The following GNG7 variants were observed in gnomAD, a reference collection of about 807,000 sequenced individuals.
GNG7 encodes guanine nucleotide-binding protein G(I)/G(S)/G(O) subunit gamma-7.
GNG7 carries 1 observed loss-of-function variant against 4.0 expected under a neutral mutation model. The observed-to-expected ratio is 0.25, with a 90% CI of 0.09 to 1.18. GNG7 has a LOEUF of 1.18. GNG7 is among the 50% of genes most tolerant of loss of function. The probability of loss-of-function intolerance (pLI) is 0.50; values close to 1 mark genes in which losing one functional copy is unlikely to be tolerated. For missense variants in GNG7, 86 were observed against 91.9 expected (o/e 0.94, Z 0.26); for synonymous variants, 34 against 36.9 (o/e 0.92, Z 0.29).
chr19:2,624,528 CAAAAA>C (rs921061279), intron 2 of GNG7, among the ~76,000 whole-genome samples: 2 of 62,470 alleles, frequency 3.2e-5, no homozygotes, highest in African/African-American at 5.1e-5. Context: ...GACTCCGTCT[CAAAAA>C]AAAAAAAAAA....
intron 4 of GNG7, among the ~76,000 whole-genome samples, chr19:2,519,169 G>A (rs1174132847): frequency 6.9e-5 from 1 of 14,574 alleles, no homozygotes; most frequent in Non-Finnish European, 1.8e-4. Flanking sequence ...TTTTTTTTTT[G>A]AGATAGAGTC....
rs985281465 is a variant in GNG7 at position 2,692,504 on chromosome 19, G to A, written c.-135+10142C>T. On this transcript the variant is annotated intron_variant, in intron 1 of 4. Transcript: ENST00000382159. ...CAAAAAATCAGCCGGGTGTGGTGGC[G>A]GGCGTCTGTAGTCCCAGCTACTCGG... Among the ~76,000 whole-genome samples, 10 of 151,762 alleles carry A rather than the reference G, an allele frequency of 6.6e-5. 1 individual carries two copies. The highest frequency in any genetic ancestry group is 4.2e-4 in the South Asian group (2 of 4,810).
chr19:2,603,626 G>T (rs1194012126), intron 2 of GNG7, among the ~76,000 whole-genome samples: 1 of 152,188 alleles, frequency 6.6e-6, no homozygotes, highest in African/African-American at 2.4e-5. Context: ...TTGCGGGGCG[G>T]CGGCTAAATT....
rs1363284296 is a variant in GNG7 at position 2,657,348 on chromosome 19, AAAAAAAAAAAAAAATATATATATAT to A, written c.-134-11093_-134-11069del. Among the ~76,000 whole-genome samples, 43 of 41,102 alleles carry A rather than the reference AAAAAAAAAAAAAAATATATATATAT, an allele frequency of 1.0e-3. 2 individuals carry two copies. Among genetic ancestry groups the A allele is most frequent in the Non-Finnish European group, 1.8e-3 (39 of 21,754 alleles). 27.0% of individuals were successfully genotyped at this position (41,102 alleles called of 152,430 possible). ...GACCCCGTCTCAATTAAAAAAAAAA[AAAAAAAAAAAAAAATATATATATAT>A]ATATATATATATATATATATATATA... On this transcript the variant is annotated intron_variant, in intron 1 of 4. Transcript: ENST00000382159.
intron 2 of GNG7, among the ~76,000 whole-genome samples, chr19:2,591,481 A>T (rs1206956898): frequency 1.3e-4 from 15 of 118,754 alleles, no homozygotes; most frequent in African/African-American, 4.4e-4. Flanking sequence ...TTTTTAAGGG[A>T]GAGATTATAG....
chr19:2,701,001 A>G (rs1397430732), intron 1 of GNG7: 1 of 152,040 alleles, frequency 6.6e-6, no homozygotes, highest in African/African-American at 2.4e-5. Context: ...CTCCCCAGGA[A>G]AAATAAAGTG....
At chr19:2,545,012 ACCT>A (rs2144751187) in intron 3 of GNG7, among the ~76,000 whole-genome samples, 1 of 151,980 alleles carries the variant, frequency 6.6e-6, no homozygotes, top group African/African-American at 2.4e-5. Context: ...CCTGGGATTC[ACCT>A]CCTCTCTCCC....
Position 2,680,967 on chromosome 19 carries a change from T to A in GNG7, c.-135+21679A>T, listed in dbSNP as rs112801791. 6.8e-3 allele frequency among the ~76,000 whole-genome samples: 1,034 copies of A among 152,174 alleles called. 11 individuals carry two copies. The highest frequency in any genetic ancestry group is 0.024 in the African/African-American group (1,002 of 41,492). ...TGTGATTGTTTGTTGTTCTGGTTTT[T>A]TAATTCTAGCCATCTTACTGGGCGT... On this transcript the variant is annotated intron_variant, in intron 1 of 4. Transcript: ENST00000382159.
At chr19:2,689,205 AAAGG>A (rs1278180820) in intron 1 of GNG7, among the ~76,000 whole-genome samples, 2 of 152,014 alleles carry the variant, frequency 1.3e-5, no homozygotes, top group African/African-American at 4.8e-5. Flanking sequence ...ATGCAAAAAA[AAAGG>A]GGGAAAAAAA....
intron 2 of GNG7, among the ~76,000 whole-genome samples, chr19:2,622,587 GA>G (rs1425194633): frequency 6.8e-6 from 1 of 147,436 alleles, no homozygotes; most frequent in Non-Finnish European, 1.5e-5. Context: ...ACGCGGCAGA[GA>G]GGGGGGCTTC....
At chr19:2,632,503 C>G (rs1982189895) in intron 2 of GNG7, 1 of 151,738 alleles carries the variant, frequency 6.6e-6, no homozygotes, top group South Asian at 2.1e-4. Flanking sequence ...CACACACACA[C>G]ACACACACGC....
At chr19:2,570,775 A>G (rs567337575) in intron 2 of GNG7, among the ~76,000 whole-genome samples, 1 of 152,196 alleles carries the variant, frequency 6.6e-6, no homozygotes, top group South Asian at 2.1e-4. Context: ...ACAAAACCCC[A>G]AGCCTAAAAA....
At chr19:2,687,308 T>A (rs914967079) in intron 1 of GNG7, among the ~76,000 whole-genome samples, 48 of 151,442 alleles carry the variant, frequency 3.2e-4, no homozygotes, top group Non-Finnish European at 6.0e-4. Flanking sequence ...AATCCTCTCA[T>A]CTTGGCCTCC....
At chr19:2,656,708 C>T (rs1257032719) in intron 1 of GNG7, among the ~76,000 whole-genome samples, 1 of 152,162 alleles carries the variant, frequency 6.6e-6, no homozygotes, top group Admixed American at 6.6e-5. Flanking sequence ...GGCACACAGC[C>T]GTGCGTGTTC....
intron 1 of GNG7, among the ~76,000 whole-genome samples, chr19:2,684,988 G>A (rs1599461588): frequency 1.3e-5 from 2 of 152,278 alleles, no homozygotes; most frequent in South Asian, 4.1e-4. Context: ...GACAGGCGTG[G>A]CGGCACACGC....
chr19:2,692,618 G>C (rs893057650), intron 1 of GNG7, among the ~76,000 whole-genome samples: 7 of 148,404 alleles, frequency 4.7e-5, no homozygotes, highest in African/African-American at 1.3e-4. Flanking sequence ...CTGGGCGACA[G>C]AGTGAGACTC....
intron 2 of GNG7, among the ~76,000 whole-genome samples, chr19:2,567,335 G>GTGTGTGTGTGTGTGTGTT (rs1212678604): frequency 6.6e-6 from 1 of 150,958 alleles, no homozygotes; most frequent in Non-Finnish European, 1.5e-5. Flanking sequence ...GTCGATTTGT[G>GTGTGTGTGTGTGTGTGTT]TGTGTGTGTG....
At chr19:2,539,101 T>C (rs1359958025) in intron 3 of GNG7, among the ~76,000 whole-genome samples, 1 of 152,166 alleles carries the variant, frequency 6.6e-6, no homozygotes, top group African/African-American at 2.4e-5. Context: ...TAATAAACTG[T>C]TAACTAATTT....
At chr19:2,654,931 G>A (rs530747509) in intron 1 of GNG7, among the ~76,000 whole-genome samples, 1 of 130,286 alleles carries the variant, frequency 7.7e-6, no homozygotes, top group South Asian at 2.5e-4. Flanking sequence ...CCCAGACATT[G>A]TCCAGTGTCC....
Sources: gnomAD v4.1 joint callset for allele counts (sites outside exome capture counted in the v4.1 genomes callset) on GRCh38, gnomAD v4.1.1 for gene constraint, MANE v1.5 for transcripts, NCBI Gene and HGNC (gene_info 2026-07-23, HGNC 2026-07-21) for gene names.